EXOC4: variants seen among roughly 807,000 people sequenced by gnomAD.
EXOC4 encodes the protein exocyst complex component 4.
In EXOC4, 71 loss-of-function variants were observed where a neutral mutation model predicts 107.2. The ratio of observed to expected loss-of-function variants is 0.66; its 90% CI spans 0.55 to 0.81. The LOEUF is 0.81. EXOC4 is among the 30% of genes least tolerant of loss of function. The pLI is 0.00. For missense variants in EXOC4, 1,108 were observed against 1,189.6 expected (o/e 0.93, Z 1.01); for synonymous variants, 456 against 441.2 (o/e 1.03, Z -0.42).
At chr7:133,787,843 G>A (rs1000471295) in intron 10 of EXOC4, among the ~76,000 whole-genome samples, 11 of 150,152 alleles carry the variant, frequency 7.3e-5, no homozygotes, top group Admixed American at 6.7e-5. Flanking sequence ...TTCAACATAC[G>A]AATTTGTGAG....
chr7:133,896,661 T>C (rs1191698009), intron 12 of EXOC4, among the ~76,000 whole-genome samples: 1 of 150,010 alleles, frequency 6.7e-6, no homozygotes, highest in Admixed American at 6.6e-5. Flanking sequence ...TTATTTTATT[T>C]ATTTATTTAT....
intron 10 of EXOC4, among the ~76,000 whole-genome samples, chr7:133,675,694 A>G (rs936206044): frequency 6.6e-6 from 1 of 152,192 alleles, no homozygotes; most frequent in East Asian, 1.9e-4. Flanking sequence ...GCCAAGATGA[A>G]TTAGCCCCTC....
chr7:133,832,303 C>T (rs1188241022), intron 11 of EXOC4, among the ~76,000 whole-genome samples: 1 of 152,106 alleles, frequency 6.6e-6, no homozygotes, highest in Non-Finnish European at 1.5e-5. Flanking sequence ...CCATGATATC[C>T]CAAATGATGT....
chr7:134,018,130 A>G (rs145266791), intron 17 of EXOC4, among the ~76,000 whole-genome samples: 1 of 152,212 alleles, frequency 6.6e-6, no homozygotes, highest in East Asian at 1.9e-4. Context: ...CAGGGAGGCT[A>G]TTTTTCTGCC....
At chr7:134,067,943 CT>C (rs768773909), downstream of EXOC4, among the ~76,000 whole-genome samples, 1 of 152,192 alleles carries the variant, frequency 6.6e-6, no homozygotes, top group Non-Finnish European at 1.5e-5. Flanking sequence ...CATTTTCCCC[CT>C]CCACACTGAT....
intron 11 of EXOC4, among the ~76,000 whole-genome samples, chr7:133,866,918 A>G (rs1798653443): frequency 6.6e-6 from 1 of 152,350 alleles, no homozygotes; most frequent in South Asian, 2.1e-4. Context: ...AGAAATGCGC[A>G]TGCCCTCTCT....
At chr7:133,617,349 G>A (rs1031702450) in intron 9 of EXOC4, among the ~76,000 whole-genome samples, 12 of 152,198 alleles carry the variant, frequency 7.9e-5, no homozygotes, top group East Asian at 5.8e-4. Flanking sequence ...AGAGGGTTGC[G>A]TGAAGACTTC....
intron 12 of EXOC4, among the ~76,000 whole-genome samples, chr7:133,915,523 G>C (rs1243976752): frequency 2.0e-5 from 3 of 152,134 alleles, no homozygotes; most frequent in African/African-American, 7.2e-5. Context: ...GATACAGAAA[G>C]GGCAAATGTT....
intron 5 of EXOC4, among the ~76,000 whole-genome samples, chr7:133,349,587 T>A (rs1795862560): frequency 6.6e-6 from 1 of 152,180 alleles, no homozygotes; most frequent in Admixed American, 6.5e-5. Context: ...TGCTTCCACA[T>A]TTTAGTGATT....
chr7:133,599,813 C>T (rs1240553048), intron 9 of EXOC4, among the ~76,000 whole-genome samples: 1 of 151,758 alleles, frequency 6.6e-6, no homozygotes, highest in Non-Finnish European at 1.5e-5. Flanking sequence ...AACTCATGTC[C>T]ACCTTGACAT....
chr7:133,770,508 G>A (rs1796223990), intron 10 of EXOC4, among the ~76,000 whole-genome samples: 1 of 151,930 alleles, frequency 6.6e-6, no homozygotes, highest in African/African-American at 2.4e-5. Context: ...AACATTGAAA[G>A]TAAGCTTTAG....
intron 10 of EXOC4, among the ~76,000 whole-genome samples, chr7:133,728,590 A>G (rs888401779): frequency 3.3e-5 from 5 of 152,118 alleles, no homozygotes; most frequent in African/African-American, 7.2e-5. Flanking sequence ...AACTTCCCTT[A>G]CTTCATTGCC....
intron 17 of EXOC4, among the ~76,000 whole-genome samples, chr7:134,026,668 A>G (rs1203860332): frequency 2.0e-5 from 3 of 152,160 alleles, no homozygotes; most frequent in African/African-American, 7.2e-5. Flanking sequence ...TTTAAAAACA[A>G]TGCTGTTATG....
At chr7:133,504,589 A>G (rs1264459623) in intron 9 of EXOC4, among the ~76,000 whole-genome samples, 1 of 152,124 alleles carries the variant, frequency 6.6e-6, no homozygotes, top group Non-Finnish European at 1.5e-5. Flanking sequence ...ATCGTGGTAG[A>G]TGACAGATGT....
intron 6 of EXOC4, among the ~76,000 whole-genome samples, chr7:133,357,047 T>A (rs1475480061): frequency 1.3e-5 from 2 of 152,220 alleles, no homozygotes; most frequent in Non-Finnish European, 2.9e-5. Context: ...TAGGCATAAT[T>A]CAGCTGTCTG....
chr7:133,556,390 C>A (rs1195396858), intron 9 of EXOC4, among the ~76,000 whole-genome samples: 1 of 151,994 alleles, frequency 6.6e-6, no homozygotes, highest in Non-Finnish European at 1.5e-5. Context: ...ATTTTTTGCC[C>A]TACCTTTTTT....
intron 14 of EXOC4, among the ~76,000 whole-genome samples, chr7:133,940,192 C>A (rs937817898): frequency 6.6e-6 from 1 of 152,216 alleles, no homozygotes; most frequent in Non-Finnish European, 1.5e-5. Flanking sequence ...AGTACATAAC[C>A]TGTGTAGCAA....
At chr7:133,323,931 T>C (rs2150591295) in intron 5 of EXOC4, among the ~76,000 whole-genome samples, 1 of 152,320 alleles carries the variant, frequency 6.6e-6, no homozygotes, top group South Asian at 2.1e-4. Flanking sequence ...CTTCCTGGTT[T>C]AGTCTTGGGA....
chr7:134,031,727 A>G (rs1795274950), intron 17 of EXOC4, among the ~76,000 whole-genome samples: 1 of 152,254 alleles, frequency 6.6e-6, no homozygotes, highest in Non-Finnish European at 1.5e-5. Flanking sequence ...GGATGCATCC[A>G]AAGAAGAGAA....
Sources: allele counts gnomAD v4.1 joint callset (sites outside exome capture counted in the v4.1 genomes callset), GRCh38; gene constraint gnomAD v4.1.1; transcripts MANE v1.5; gene names NCBI Gene and HGNC (gene_info 2026-07-23, HGNC 2026-07-21).